DDX60: variants seen among roughly 807,000 people sequenced by gnomAD.
DDX60 encodes the protein probable ATP-dependent RNA helicase DDX60.
In DDX60, 165 loss-of-function variants were observed where a neutral mutation model predicts 212.8. The observed-to-expected ratio is 0.78, with a 90% CI of 0.68 to 0.88. The LOEUF (loss-of-function observed/expected upper bound fraction) is 0.88. Ranked by LOEUF, DDX60 falls within the 40% of genes least tolerant of loss-of-function variation. The pLI is 0.00. For missense variants in DDX60, 1,905 were observed against 2,003.9 expected, an observed-to-expected ratio of 0.95 and a Z score of 0.94; for synonymous variants, 703 against 685.3, an observed-to-expected ratio of 1.03 and a Z score of -0.40.
intron 1 of DDX60, among the ~76,000 whole-genome samples, chr4:168,315,289 C>G (rs1160906883): frequency 6.6e-6 from 1 of 152,120 alleles, no homozygotes; most frequent in African/African-American, 2.4e-5. Flanking sequence ...AAATAAAGCA[C>G]TTTCAGATTT....
rs1326916654 is a variant in DDX60 at position 168,280,465 on chromosome 4, TA to T, written c.1847del (p.Leu616TyrfsTer5). The T allele has an allele frequency of 6.2e-7, 1 of 1,614,054 alleles. No homozygotes were observed. The highest frequency in any genetic ancestry group is 8.5e-7 in the Non-Finnish European group (1 of 1,180,020). On this transcript the variant is annotated frameshift_variant, in exon 14 of 38. Transcript: ENST00000393743. LOFTEE classifies it high-confidence loss of function. The part of the protein sequence containing the change: ...FSIEEQLKEN[L>X]HSGIKSLEDF... ...CTTCCAGGCTCTTTATTCCAGAGTG[TA>T]AATTTTCTTTCAATTGCTCTTCAAT...
intron 37 of DDX60, among the ~76,000 whole-genome samples, chr4:168,217,388 T>G (rs537322362): frequency 6.6e-6 from 1 of 152,300 alleles, no homozygotes; most frequent in South Asian, 2.1e-4. Flanking sequence ...TTTATGCTAG[T>G]GTCCAGTGTA....
rs1192222932 is a variant in DDX60 at position 168,216,934 on chromosome 4, T to C, written c.5138A>G (p.Ter1713=). ...TTFWEKLNKV[*] ...AAGTGGTTTGCATAGACTTTGTTTT[T>C]AGACTTTGTTTAACTTTTCCCAAAA... Residue 1713 remains the stop codon, a stop_retained_variant, in exon 38 of 38, where the codon TAA becomes TGA. Coordinates refer to ENST00000393743, the MANE Select transcript of DDX60 (RefSeq NM_017631.6). 2 of 1,590,978 alleles carry C rather than the reference T, an allele frequency of 1.3e-6. No homozygotes were observed. Among genetic ancestry groups the C allele is most frequent in the Non-Finnish European group, 8.5e-7 (1 of 1,170,020 alleles).
At chr4:168,283,277 G>C (rs1735673045) in intron 13 of DDX60, among the ~76,000 whole-genome samples, 169 bp downstream of exon 13, 1 of 151,926 alleles carries the variant, frequency 6.6e-6, no homozygotes, top group Non-Finnish European at 1.5e-5. Context: ...ATGAAGGTTA[G>C]GCTTTTTCAG....
chr4:168,263,395 A>G (rs960773832), intron 22 of DDX60: 3 of 152,210 alleles, frequency 2.0e-5, no homozygotes, highest in Admixed American at 1.3e-4. Flanking sequence ...CTGTTCTCAA[A>G]AAGTTTCACT....
intron 5 of DDX60, among the ~76,000 whole-genome samples, chr4:168,303,587 G>C (rs949877869): frequency 2.0e-5 from 3 of 152,154 alleles, no homozygotes; most frequent in African/African-American, 7.2e-5. Flanking sequence ...AATTTCTACT[G>C]CCTAGTGATG....
At chr4:168,261,950 T>A in intron 24 of DDX60, 50 bp downstream of exon 24, 1 of 1,561,462 alleles carries the variant, frequency 6.4e-7, no homozygotes, top group Non-Finnish European at 8.6e-7. Flanking sequence ...ATGATATAAC[T>A]CAAGAAAACA....
chr4:168,230,290 T>G (rs1560813759), intron 33 of DDX60, among the ~76,000 whole-genome samples: 1 of 152,084 alleles, frequency 6.6e-6, no homozygotes, highest in Non-Finnish European at 1.5e-5. Context: ...CAATACCCCA[T>G]GACGGCACTA....
rs147266984 is a variant in DDX60 at position 168,275,358 on chromosome 4, G to A, written c.2291C>T (p.Pro764Leu). Reference protein sequence around the residue: ...DPDPRVQDFIPDTWQRELLDV... With the variant: ...DPDPRVQDFILDTWQRELLDV... ...TTGCAGTATTACCTGCCATGTGTCG[G>A]GAATAAAATCCTGGACCCTGGGATC... The change falls in exon 16 of 38, where the codon CCC (proline) becomes CTC (leucine). Residue 764 changes from proline to leucine, a missense_variant. Pro to Leu is a moderately conservative substitution (Grantham distance 98). Transcript: ENST00000393743. 3.8e-5 allele frequency: 61 copies of A among 1,604,604 alleles called. No individual in the cohort carries two copies. The African/African-American group carries it at 6.8e-4, about 18-fold the overall frequency.
rs374855681 is a variant in DDX60 at position 168,225,588 on chromosome 4, C to A, written c.4622G>T (p.Arg1541Leu). ...CATATCAGCCAGTTTGGAAACAATT[C>A]GTAGGAAAGTGGTAAAGTCCTCCAT... ...KIMEDFTTFL[R>L]IVSKLADMNQ... The change falls in exon 34 of 38, where the codon CGA (arginine) becomes CTA (leucine). Residue 1541 changes from arginine to leucine, a missense_variant. Physicochemically the swap from Arg to Leu is moderately radical, Grantham distance 102 (BLOSUM62 -2). Coordinates refer to ENST00000393743, the MANE Select transcript of DDX60 (RefSeq NM_017631.6). 1 of 1,611,256 alleles carries A rather than the reference C, an allele frequency of 6.2e-7. No homozygotes were observed. Among genetic ancestry groups the A allele is most frequent in the Non-Finnish European group, 8.5e-7 (1 of 1,178,736 alleles).
chr4:168,228,774 G>A (rs1733345317), intron 33 of DDX60, among the ~76,000 whole-genome samples: 1 of 151,738 alleles, frequency 6.6e-6, no homozygotes, highest in Admixed American at 6.6e-5. Flanking sequence ...GCATTTTCAT[G>A]TTTCCAAATT....
chr4:168,224,417 T>C (rs1733177002), intron 34 of DDX60, 32 bp from the exon 35 acceptor site: 2 of 1,602,210 alleles, frequency 1.2e-6, no homozygotes, highest in Non-Finnish European at 1.7e-6. Flanking sequence ...AGATTAGTGT[T>C]TTGAACTCAG....
chr4:168,240,967 G>C (rs1733816493), intron 30 of DDX60, among the ~76,000 whole-genome samples: 1 of 152,206 alleles, frequency 6.6e-6, no homozygotes, highest in Admixed American at 6.5e-5. Flanking sequence ...GCATGTCATA[G>C]AAGGAACCCA....
rs767858261 is a variant in DDX60, at chr4:168,276,191, C to T, written c.1979-10G>A. 63 of 1,579,622 alleles carry T rather than the reference C, an allele frequency of 4.0e-5. 1 individual carries two copies. The highest frequency in any genetic ancestry group is 1.3e-5 in the Non-Finnish European group (15 of 1,158,088). ...TCTTTCGTGGTTTTACCTTGATAAA[C>T]AATAAACAATAAAATTGTTATAAAG... On this transcript the variant is annotated splice_polypyrimidine_tract_variant and intron_variant, in intron 14 of 37. Transcript: ENST00000393743.
chr4:168,249,203 G>A (rs1294478338), intron 28 of DDX60, among the ~76,000 whole-genome samples: 1 of 152,180 alleles, frequency 6.6e-6, no homozygotes, highest in African/African-American at 2.4e-5. Context: ...GCATACCTCA[G>A]TAATTTTAAA....
chr4:168,304,912 GT>G (rs1736810345), intron 5 of DDX60, among the ~76,000 whole-genome samples: 1 of 152,110 alleles, frequency 6.6e-6, no homozygotes, highest in South Asian at 2.1e-4. Flanking sequence ...GTACAGTAAT[GT>G]CCTAAGCCTT....
At chr4:168,259,489 C>T (rs1238597915) in intron 25 of DDX60, among the ~76,000 whole-genome samples, 1 of 152,084 alleles carries the variant, frequency 6.6e-6, no homozygotes, top group African/African-American at 2.4e-5. Flanking sequence ...ATTCACCCAT[C>T]ATCGTTATTT....
intron 28 of DDX60, among the ~76,000 whole-genome samples, chr4:168,249,914 CTT>C (rs1364433394): frequency 6.6e-6 from 1 of 152,076 alleles, no homozygotes; most frequent in African/African-American, 2.4e-5. Flanking sequence ...ATCTCAATCT[CTT>C]TGTCTTTCTT....
At chr4:168,233,005 C>G (rs1733508360) in intron 33 of DDX60, among the ~76,000 whole-genome samples, 1 of 151,652 alleles carries the variant, frequency 6.6e-6, no homozygotes, top group African/African-American at 2.4e-5. Flanking sequence ...TCAAACAAAG[C>G]AGCAACAAAA....
Sources: allele counts gnomAD v4.1 joint callset (sites outside exome capture counted in the v4.1 genomes callset), GRCh38; gene constraint gnomAD v4.1.1; transcripts MANE v1.5; gene names NCBI Gene and HGNC (gene_info 2026-07-23, HGNC 2026-07-21).